PRKAR1B: variants seen among roughly 807,000 people sequenced by gnomAD.
The protein encoded by PRKAR1B is cAMP-dependent protein kinase type I-beta regulatory subunit.
A neutral mutation model predicts 46.5 loss-of-function variants in PRKAR1B; 22 were observed. The ratio of observed to expected loss-of-function variants is 0.47; its 90% CI spans 0.34 to 0.68. The LOEUF is 0.68. Among genes scored for constraint, PRKAR1B ranks in the 30% least tolerant of loss-of-function variants. The pLI is 0.01. For synonymous variants in PRKAR1B, 259 were observed against 217.7 expected (o/e 1.19, Z -1.67); for missense variants, 445 against 535.6 (o/e 0.83, Z 1.67).
At chr7:581,302 C>CAAAA (rs758386135) in intron 8 of PRKAR1B, among the ~76,000 whole-genome samples, 2 of 103,156 alleles carry the variant, frequency 1.9e-5, no homozygotes, top group African/African-American at 7.1e-5. Context: ...CACTCTGTCT[C>CAAAA]AAAAAAAAAA....
intron 1 of PRKAR1B, among the ~76,000 whole-genome samples, chr7:722,706 A>T (rs548025372): frequency 6.6e-6 from 1 of 152,238 alleles, no homozygotes; most frequent in Non-Finnish European, 1.5e-5. Flanking sequence ...TTCTTGGCAG[A>T]TGATTCCAAC....
chr7:671,615 G>C (rs1355415669), intron 4 of PRKAR1B, among the ~76,000 whole-genome samples: 1 of 152,012 alleles, frequency 6.6e-6, no homozygotes, highest in Non-Finnish European at 1.5e-5. Context: ...TGTACCACCA[G>C]GCCCGGGTAA....
In PRKAR1B at chr7:550,416, G is replaced by A. The variant is rs746078436; in HGVS notation, c.*14C>T. ...CCACACTGGGGAGCTGGGGCTGCAG[G>A]GCGGGAGCTGTGCTCAGACGGTGAG... On this transcript the variant is annotated 3_prime_UTR_variant, in exon 11 of 11. Coordinates refer to ENST00000537384, the MANE Select transcript of PRKAR1B (RefSeq NM_001164760.2). 6.3e-7 allele frequency: 1 copy of A among 1,578,586 alleles called. No individual in the cohort carries two copies. The highest frequency in any genetic ancestry group is 1.7e-4 in the Middle Eastern group (1 of 6,010).
chr7:657,002 TGGATGGAC>T (rs1785239588), intron 4 of PRKAR1B, among the ~76,000 whole-genome samples: 1 of 151,336 alleles, frequency 6.6e-6, no homozygotes, highest in African/African-American at 2.4e-5. Context: ...AATGGATGGA[TGGATGGAC>T]GGATGGATGG....
chr7:607,402 A>G lies in PRKAR1B; in HGVS notation c.491T>C (p.Val164Ala). The G allele has an allele frequency of 1.2e-6, 2 of 1,613,848 alleles. No individual in the cohort carries two copies. The highest frequency in any genetic ancestry group is 8.5e-7 in the Non-Finnish European group (1 of 1,179,756). ...CAGGCAGAACGTACCTTGCTGTATAACAGTCTCCCCAGCGATGTGAGTGAC... is the reference window on the plus strand; with the variant it reads ...CAGGCAGAACGTACCTTGCTGTATAGCAGTCTCCCCAGCGATGTGAGTGAC... ...FPVTHIAGET[V>A]IQQGNEGDNF... The change falls in exon 5 of 11, where the codon GTT (valine) becomes GCT (alanine). Residue 164 changes from valine (V) to alanine (A), a missense_variant. Coordinates refer to ENST00000537384, the MANE Select transcript of PRKAR1B (RefSeq NM_001164760.2).
At position 584,294 on chromosome 7, in the gene PRKAR1B, G is replaced by C. The variant is rs564444852; in HGVS notation, c.769+214C>G. On this transcript the variant is annotated intron_variant, in intron 8 of 10. Transcript: ENST00000537384. ...AAGCAGGGCAGCCCCGCCCACGAGA[G>C]AGGAGGCAGGCTCTTGGGGTTTGCC... Among the ~76,000 whole-genome samples the C allele has an allele frequency of 3.3e-5, 5 of 152,378 alleles. No homozygotes were observed. In the South Asian group the frequency reaches 1.0e-3, roughly 32 times the overall value.
At chr7:711,841 T>TG (rs936969681) in intron 1 of PRKAR1B, among the ~76,000 whole-genome samples, 12 of 145,310 alleles carry the variant, frequency 8.3e-5, no homozygotes, top group Middle Eastern at 3.4e-3. Context: ...GTGGGAAGAG[T>TG]GGGGGGGCCC....
intron 7 of PRKAR1B, among the ~76,000 whole-genome samples, chr7:586,581 A>G (rs1780613992): frequency 6.6e-6 from 1 of 152,196 alleles, no homozygotes; most frequent in African/African-American, 2.4e-5. Flanking sequence ...CAGCCCGAGG[A>G]GGGTTCCAGG....
chr7:571,705 GGGGAACTCCAGGGGCCTGGAAAAGC>G (rs748120394), intron 9 of PRKAR1B, among the ~76,000 whole-genome samples: 15 of 152,184 alleles, frequency 9.9e-5, no homozygotes, highest in Non-Finnish European at 1.9e-4. Context: ...GTCTCCGGGA[GGGGAACTCCAGGGGCCTGGAAAAGC>G]AGGCGTGCGG....
At chr7:551,798 T>C (rs866536729) in intron 9 of PRKAR1B, among the ~76,000 whole-genome samples, 144 of 68,318 alleles carry the variant, frequency 2.1e-3, no homozygotes, top group African/African-American at 6.2e-3. Flanking sequence ...GCCATCACCA[T>C]GTCACCACCC....
Position 713,777 on chromosome 7 carries a change from C to T in PRKAR1B, c.-22-2250G>A, listed in dbSNP as rs1035981620. On this transcript the variant is annotated intron_variant, in intron 1 of 10. Coordinates refer to ENST00000537384, the MANE Select transcript of PRKAR1B (RefSeq NM_001164760.2). ...GGTCACCAGCCCTGCCGAGCACATT[C>T]CCCAGCAGGGCTGACATTGCCTCAG... is the stretch of plus-strand genomic sequence containing the variant. Among the ~76,000 whole-genome samples the T allele has an allele frequency of 3.3e-5, 5 of 152,256 alleles. No individual in the cohort carries two copies. The South Asian group carries it at 1.0e-3, about 31-fold the overall frequency.
intron 5 of PRKAR1B, 67 bp from the exon 6 acceptor site, chr7:606,306 G>C: frequency 1.3e-6 from 2 of 1,513,338 alleles, no homozygotes; most frequent in Non-Finnish European, 1.8e-6. Flanking sequence ...AGTTTCTCTT[G>C]CAAACGACTT....
At chr7:727,552 G>T, upstream of PRKAR1B, 1 of 263,908 alleles carries the variant, frequency 3.8e-6, no homozygotes, top group Non-Finnish European at 6.9e-6. Flanking sequence ...CCACCAACGC[G>T]CCCTTCAGCT....
At chr7:655,210 A>G (rs1785133992) in intron 4 of PRKAR1B, among the ~76,000 whole-genome samples, 1 of 152,188 alleles carries the variant, frequency 6.6e-6, no homozygotes, top group Non-Finnish European at 1.5e-5. Context: ...CTCCCATCTC[A>G]GAATAAAAGC....
At chr7:558,763 A>G (rs546150928) in intron 9 of PRKAR1B, among the ~76,000 whole-genome samples, 3 of 152,272 alleles carry the variant, frequency 2.0e-5, no homozygotes, top group African/African-American at 4.8e-5. Context: ...AAAAAAAGAA[A>G]AAAAAAGAAG....
chr7:641,700 CCT>C (rs1486566827), intron 4 of PRKAR1B, among the ~76,000 whole-genome samples: 1 of 152,124 alleles, frequency 6.6e-6, no homozygotes, highest in East Asian at 1.9e-4. Flanking sequence ...CAAAAAACAC[CCT>C]GAGTGAAAGA....
chr7:723,391 T>C (rs1258859797), intron 1 of PRKAR1B, among the ~76,000 whole-genome samples: 2 of 152,114 alleles, frequency 1.3e-5, no homozygotes, highest in African/African-American at 2.4e-5. Context: ...CAGGCTTCCC[T>C]GGGGACTAGT....
chr7:724,834 T>A (rs1233995531), intron 1 of PRKAR1B, among the ~76,000 whole-genome samples: 3 of 152,218 alleles, frequency 2.0e-5, no homozygotes, highest in Non-Finnish European at 4.4e-5. Context: ...CTGTCCCACA[T>A]GTTGCAGACA....
rs906632600 is a variant in PRKAR1B at position 680,589 on chromosome 7, G to A, written c.315C>T (p.Tyr105=). The A allele has an allele frequency of 1.9e-6, 3 of 1,609,012 alleles. No individual in the cohort carries two copies. The highest frequency in any genetic ancestry group is 2.5e-6 in the Non-Finnish European group (3 of 1,177,910). Residue 105 remains tyrosine (Y), a synonymous_variant, in exon 3 of 11, where the codon TAC becomes TAT. Transcript: ENST00000537384. The stretch of plus-strand genomic sequence containing the variant: ...CGTAGGACACGGCGTCCTCCTCGGT[G>A]TACACCTCGGCACTCACGCCTCCTC... ...RRRGGVSAEV[Y]TEEDAVSYVR...
Sources: gnomAD v4.1 joint callset for allele counts (sites outside exome capture counted in the v4.1 genomes callset) on GRCh38, gnomAD v4.1.1 for gene constraint, MANE v1.5 for transcripts, NCBI Gene and HGNC (gene_info 2026-07-23, HGNC 2026-07-21) for gene names.